The following FCN2 variants were observed in gnomAD, a reference collection of about 807,000 sequenced individuals.
The protein encoded by FCN2 is ficolin 2.
Under a neutral mutation model 32.5 loss-of-function variants are expected in FCN2, and 31 were observed. The ratio of observed to expected loss-of-function variants is 0.96; its 90% CI spans 0.72 to 1.29. The LOEUF (loss-of-function observed/expected upper bound fraction) is 1.29. Ranked by LOEUF, FCN2 falls within the 50% of genes most tolerant of loss-of-function variation. The probability of loss-of-function intolerance (pLI) is 0.00; values close to 1 mark genes in which losing one functional copy is unlikely to be tolerated. For missense variants in FCN2, 412 were observed against 406.5 expected, an observed-to-expected ratio of 1.01 and a Z score of -0.12; for synonymous variants, 181 against 164.5, an observed-to-expected ratio of 1.10 and a Z score of -0.77.
intron 2 of FCN2, 42 bp downstream of exon 2, chr9:134,882,681 T>G: frequency 7.1e-7 from 1 of 1,403,090 alleles, no homozygotes; most frequent in Non-Finnish European, 1.0e-6. Context: ...CTTGCTCTTT[T>G]TGAAACCAGA....
At position 134,886,220 on chromosome 9, in the gene FCN2, C is replaced by T. The variant is rs374123102; in HGVS notation, c.560-210C>T. Among the ~76,000 whole-genome samples, 11 of 152,140 alleles carry T rather than the reference C, an allele frequency of 7.2e-5. 1 individual carries two copies. In the East Asian group the frequency reaches 9.6e-4, roughly 13 times the overall value. ...CCCAACCCCAACTCTGCCTCTAATC[C>T]GCTAGGATTTGGGAGTCAAGAGTCT... On this transcript the variant is annotated intron_variant, in intron 6 of 7. Transcript: ENST00000291744.
chr9:134,873,203 T>C, the FCN2 span, among the ~76,000 whole-genome samples: 1 of 152,122 alleles, frequency 6.6e-6, no homozygotes, highest in East Asian at 1.9e-4. Flanking sequence ...ATGTATGTGA[T>C]GCATGAGAGC....
Position 134,885,334 on chromosome 9 carries a change from T to C in FCN2, c.397T>C (p.Cys133Arg), listed in dbSNP as rs555120166. 1.1e-5 allele frequency: 18 copies of C among 1,614,066 alleles called. No homozygotes were observed. The Admixed American group carries it at 3.0e-4, about 27-fold the overall frequency. ...CGACTGCCGGCCCCTGACTGTGCTCTGTGACATGGACACGGACGGAGGGGG... is the reference window on the plus strand; with the variant it reads ...CGACTGCCGGCCCCTGACTGTGCTCCGTGACATGGACACGGACGGAGGGGG... ...LPDCRPLTVLCDMDTDGGGWT... is the reference protein window; with the variant it reads ...LPDCRPLTVLRDMDTDGGGWT... The change falls in exon 5 of 8, where the codon TGT becomes CGT. Residue 133 changes from cysteine to arginine, a missense_variant. Physicochemically the swap from Cys to Arg is radical, Grantham distance 180 (BLOSUM62 -3). Coordinates refer to ENST00000291744, the MANE Select transcript of FCN2 (RefSeq NM_004108.3).
upstream of FCN2, among the ~76,000 whole-genome samples, chr9:134,877,957 G>A (rs145860570): frequency 4.9e-4 from 74 of 152,252 alleles, no homozygotes; most frequent in African/African-American, 1.6e-3. Context: ...GCTGGGGAAG[G>A]CAGACCCACC....
upstream of FCN2, among the ~76,000 whole-genome samples, chr9:134,878,096 G>A (rs923090661): frequency 6.6e-6 from 1 of 152,140 alleles, no homozygotes; most frequent in Non-Finnish European, 1.5e-5. Context: ...TCCTGCCCTC[G>A]AACATCAGAC....
At chr9:134,884,675 A>G in intron 3 of FCN2, 65 bp from the exon 4 acceptor site, 5 of 1,507,302 alleles carry the variant, frequency 3.3e-6, no homozygotes, top group East Asian at 2.3e-5. Context: ...TCCGCGGACC[A>G]ATGGGGGCTG....
chr9:134,873,567 G>A, the FCN2 span, among the ~76,000 whole-genome samples: 1 of 152,192 alleles, frequency 6.6e-6, no homozygotes, highest in South Asian at 2.1e-4. Context: ...CCCGTGTCAC[G>A]ACCCTTCATC....
intron 1 of FCN2, 92 bp from the exon 2 acceptor site, chr9:134,882,434 G>A: frequency 9.6e-7 from 1 of 1,040,588 alleles, no homozygotes; most frequent in Non-Finnish European, 1.5e-6. Flanking sequence ...TCACCAAGAT[G>A]GCAGATGCCT....
At chr9:134,869,967 A>AG in the FCN2 span, among the ~76,000 whole-genome samples, 383 of 152,112 alleles carry the variant, frequency 2.5e-3, no homozygotes, top group African/African-American at 8.8e-3. Flanking sequence ...TCCTGTTGTT[A>AG]GGGGGCTTCA....
intron 3 of FCN2, among the ~76,000 whole-genome samples, chr9:134,884,536 G>T (rs1830714344): frequency 6.6e-6 from 1 of 152,238 alleles, no homozygotes; most frequent in African/African-American, 2.4e-5. Flanking sequence ...TCTGAAAGGG[G>T]TGCATGTGGT....
At chr9:134,872,728 C>G in the FCN2 span, among the ~76,000 whole-genome samples, 1 of 152,080 alleles carries the variant, frequency 6.6e-6, no homozygotes, top group African/African-American at 2.4e-5. Context: ...GACCCGCCCT[C>G]GTGATTCAGT....
chr9:134,876,876 T>C (rs1259893253), upstream of FCN2, among the ~76,000 whole-genome samples: 1 of 142,446 alleles, frequency 7.0e-6, no homozygotes, highest in Non-Finnish European at 1.6e-5. Context: ...CGCCAGTTGT[T>C]TGACTTAGGT....
chr9:134,886,490 A>C lies in FCN2; in HGVS notation c.620A>C (p.Tyr207Ser). 6.2e-7 allele frequency: 1 copy of C among 1,614,160 alleles called. No individual in the cohort carries two copies. Among genetic ancestry groups the C allele is most frequent in the Non-Finnish European group, 8.5e-7 (1 of 1,180,018 alleles). ...DFEDNYQFAK[Y>S]RSFKVADEAE... Reference sequence around the variant, plus strand: ...GAGGACAACTACCAGTTTGCTAAGTACAGATCATTCAAGGTGGCCGACGAG... The same window carrying C: ...GAGGACAACTACCAGTTTGCTAAGTCCAGATCATTCAAGGTGGCCGACGAG... The change falls in exon 7 of 8, where the codon TAC (tyrosine) becomes TCC (serine). Residue 207 changes from tyrosine (Y) to serine (S), a missense_variant. Transcript: ENST00000291744.
chr9:134,887,079 C>T lies in FCN2; in HGVS notation c.695-89C>T, dbSNP rs544869340. On this transcript the variant is annotated intron_variant, in intron 7 of 7. Transcript: ENST00000291744. ...AACCTGCCTAACCATACATGGAGGA[C>T]ACACCAGGCCAGGCCTCAGGTATAA... The T allele has an allele frequency of 5.4e-6, 8 of 1,478,174 alleles. No homozygotes were observed. The East Asian group carries it at 1.8e-4, about 33-fold the overall frequency. The allele number at this position is 1,478,174 out of a possible 1,614,324, so 91.6% of individuals were successfully genotyped here.
the FCN2 span, among the ~76,000 whole-genome samples, chr9:134,872,964 C>A: frequency 6.6e-6 from 1 of 152,310 alleles, no homozygotes; most frequent in African/African-American, 2.4e-5. Flanking sequence ...TTAGGTTGAA[C>A]CAATTTCACA....
the FCN2 span, among the ~76,000 whole-genome samples, chr9:134,873,891 T>C: frequency 1.5e-5 from 1 of 64,732 alleles, no homozygotes; most frequent in Admixed American, 1.5e-4. Context: ...TTGTTTGTTT[T>C]GTTTTTTGTT....
At chr9:134,880,980 C>A in intron 1 of FCN2, 59 bp downstream of exon 1, 2 of 1,303,460 alleles carry the variant, frequency 1.5e-6, no homozygotes, top group Non-Finnish European at 2.2e-6. Flanking sequence ...CTGGCAGCTT[C>A]GTGATTGGTG....
intron 1 of FCN2, among the ~76,000 whole-genome samples, chr9:134,881,709 C>T (rs949873486): frequency 5.3e-5 from 8 of 152,146 alleles, no homozygotes; most frequent in Non-Finnish European, 8.8e-5. Flanking sequence ...AGGAGCAATC[C>T]GTGGCGTGAA....
intron 6 of FCN2, 129 bp downstream of exon 6, chr9:134,886,026 G>T: frequency 1.0e-6 from 1 of 986,438 alleles, no homozygotes; most frequent in Non-Finnish European, 1.5e-6. Flanking sequence ...CACACTCAGG[G>T]TGGCACTGGG....
Sources: gnomAD v4.1 joint callset for allele counts (sites outside exome capture counted in the v4.1 genomes callset) on GRCh38, gnomAD v4.1.1 for gene constraint, MANE v1.5 for transcripts, NCBI Gene and HGNC (gene_info 2026-07-23, HGNC 2026-07-21) for gene names.